ATP2B4: variants seen among roughly 807,000 people sequenced by gnomAD.
ATP2B4 encodes plasma membrane calcium-transporting ATPase 4.
ATP2B4 carries 39 observed loss-of-function variants against 110.3 expected under a neutral mutation model. The ratio of observed to expected loss-of-function variants is 0.35; its 90% CI spans 0.27 to 0.46. ATP2B4 has a LOEUF of 0.46. ATP2B4 is among the 20% of genes least tolerant of loss of function. The probability of loss-of-function intolerance (pLI) is 1.00; values close to 1 mark genes in which losing one functional copy is unlikely to be tolerated. For missense variants in ATP2B4, 1,135 were observed against 1,530.9 expected (o/e 0.74, Z 4.32); for synonymous variants, 538 against 571.7 (o/e 0.94, Z 0.84).
chr1:203,730,740 G>A (rs1357776448), intron 20 of ATP2B4, among the ~76,000 whole-genome samples: 1 of 152,032 alleles, frequency 6.6e-6, no homozygotes. Context: ...ATAGCTTTAG[G>A]TATACTACCT....
At chr1:203,650,921 TTGTG>T (rs1663970205) in intron 1 of ATP2B4, among the ~76,000 whole-genome samples, 1 of 152,170 alleles carries the variant, frequency 6.6e-6, no homozygotes, top group African/African-American at 2.4e-5. Flanking sequence ...ATGCAGTATA[TTGTG>T]TATGTTTTTT....
chr1:203,657,006 A>C (rs1172546197), intron 1 of ATP2B4: 1 of 736,936 alleles, frequency 1.4e-6, no homozygotes, highest in Non-Finnish European at 2.5e-6. Context: ...CATCATTTTC[A>C]GGACTGTTGG....
chr1:203,720,657 A>T lies in ATP2B4; in HGVS notation c.2515A>T (p.Ser839Cys), dbSNP rs201173785. The T allele has an allele frequency of 1.3e-5, 21 of 1,614,168 alleles. No individual in the cohort carries two copies. Among genetic ancestry groups the T allele is most frequent in the Non-Finnish European group, 1.7e-5 (20 of 1,180,016 alleles). ...AVMWGRNVYD[S>C]ISKFLQFQLT... ...GATGTGGGGACGAAATGTCTATGACAGCATCTCCAAGTTCCTGCAGTTCCA... is the reference window on the plus strand; with the variant it reads ...GATGTGGGGACGAAATGTCTATGACTGCATCTCCAAGTTCCTGCAGTTCCA... Residue 839 changes from serine to cysteine, a missense_variant, in exon 16 of 21, where the codon AGC becomes TGC. Ser to Cys is a moderately radical substitution (Grantham distance 112). Around this residue, in one of 9 missense-constraint regions of ATP2B4, gnomAD observed 70 missense variants for 142.4 expected, o/e 0.49. Coordinates refer to ENST00000357681, the MANE Select transcript of ATP2B4 (RefSeq NM_001684.5).
At chr1:203,739,431 A>G in intron 20 of ATP2B4, 115 bp from the exon 21 acceptor site, 1 of 1,002,840 alleles carries the variant, frequency 1.0e-6, no homozygotes, top group South Asian at 1.6e-5. Context: ...GATGCTGAGC[A>G]GTCATGTTTT....
At chr1:203,738,698 A>G (rs1334190266) in intron 20 of ATP2B4, among the ~76,000 whole-genome samples, 1 of 152,188 alleles carries the variant, frequency 6.6e-6, no homozygotes, top group East Asian at 1.9e-4. Context: ...ATGATTGGGC[A>G]CAGTTGCTGT....
intron 6 of ATP2B4, 128 bp downstream of exon 6, chr1:203,701,051 A>G (rs3766752): frequency 0.21 from 269,655 of 1,269,978 alleles, 33,691 homozygotes; most frequent in East Asian, 0.56. Context: ...CAGATATCCA[A>G]ACTCCTTGCT....
intron 1 of ATP2B4, among the ~76,000 whole-genome samples, chr1:203,628,587 C>A (rs924269832): frequency 6.6e-6 from 1 of 152,144 alleles, no homozygotes; most frequent in African/African-American, 2.4e-5. Flanking sequence ...GCGCCCCCCT[C>A]CTCTGTGTGA....
At chr1:203,678,645 T>A (rs1360192604) in intron 1 of ATP2B4, among the ~76,000 whole-genome samples, 3 of 152,068 alleles carry the variant, frequency 2.0e-5, no homozygotes, top group African/African-American at 7.2e-5. Flanking sequence ...TTCAAGCGAT[T>A]CTCCCGCCTC....
In ATP2B4 at chr1:203,743,729, T is replaced by C. The variant is rs1236422717; in HGVS notation, c.*3875T>C. ...AAAAAGAAAAACAAAAGATTGACTATTGTGGTCTGCATGACATAAACAAAC... is the reference window on the plus strand; with the variant it reads ...AAAAAGAAAAACAAAAGATTGACTACTGTGGTCTGCATGACATAAACAAAC... On this transcript the variant is annotated 3_prime_UTR_variant, in exon 21 of 21. Coordinates refer to ENST00000357681, the MANE Select transcript of ATP2B4 (RefSeq NM_001684.5). 2 of 152,570 alleles carry C rather than the reference T, an allele frequency of 1.3e-5. No homozygotes were observed. Among genetic ancestry groups the C allele is most frequent in the South Asian group, 2.1e-4 (1 of 4,828 alleles). The allele number at this position is 152,570 out of a possible 1,614,324, so 9.5% of individuals were successfully genotyped here. A position where few individuals can be genotyped will look rare whatever the true frequency, so the allele number is the denominator to read the frequency against.
In ATP2B4 at chr1:203,710,895, C is replaced by G; in HGVS notation, c.1818C>G (p.Asp606Glu). ...TCCCCAGGTGTAATCGAATCCTGGA[C>G]CGGAAAGGGGAAGCAGTGCCATTCA... ...IILRKCNRILDRKGEAVPFKN... is the reference protein window; with the variant it reads ...IILRKCNRILERKGEAVPFKN... Residue 606 changes from aspartate (D) to glutamate (E), a missense_variant, in exon 12 of 21, where the codon GAC becomes GAG. By Grantham distance (45) the Asp-to-Glu change is conservative. Around this residue, in one of 9 missense-constraint regions of ATP2B4, gnomAD observed 368 missense variants for 455.9 expected, o/e 0.81. Transcript: ENST00000357681. 6.2e-7 allele frequency: 1 copy of G among 1,613,520 alleles called. No homozygotes were observed. The highest frequency in any genetic ancestry group is 8.5e-7 in the Non-Finnish European group (1 of 1,179,722).
chr1:203,703,164 C>CGAGAGAGAGA (rs144760902), intron 7 of ATP2B4, among the ~76,000 whole-genome samples: 32 of 145,250 alleles, frequency 2.2e-4, no homozygotes, highest in African/African-American at 7.8e-4. Context: ...CCCTGACAAT[C>CGAGAGAGAGA]GAGAGAGAGA....
chr1:203,731,406 C>T (rs1448288340), intron 20 of ATP2B4, among the ~76,000 whole-genome samples: 1 of 152,126 alleles, frequency 6.6e-6, no homozygotes, highest in Non-Finnish European at 1.5e-5. Flanking sequence ...GTAGATTAAC[C>T]CTTGGCATTA....
chr1:203,672,494 G>A (rs544368808), intron 1 of ATP2B4, among the ~76,000 whole-genome samples: 5 of 152,044 alleles, frequency 3.3e-5, no homozygotes, highest in African/African-American at 9.7e-5. Flanking sequence ...AACCTAAAGC[G>A]ACTGTTTATA....
chr1:203,726,103 G>A (rs1459874071), intron 19 of ATP2B4, among the ~76,000 whole-genome samples: 1 of 151,220 alleles, frequency 6.6e-6, no homozygotes, highest in Non-Finnish European at 1.5e-5. Flanking sequence ...GCCGGGCATG[G>A]TGACACATGC....
chr1:203,674,275 ACTGAAGGAAATGGTGAGCG>A (rs1664761563), intron 1 of ATP2B4, among the ~76,000 whole-genome samples: 1 of 152,076 alleles, frequency 6.6e-6, no homozygotes, highest in Admixed American at 6.5e-5. Flanking sequence ...TCCTTAAACA[ACTGAAGGAAATGGTGAGCG>A]CTGCTGTTTC....
intron 15 of ATP2B4, among the ~76,000 whole-genome samples, chr1:203,715,038 A>AT (rs1260293563): frequency 6.6e-6 from 1 of 152,100 alleles, no homozygotes; most frequent in East Asian, 1.9e-4. Context: ...TGTTTCAGTG[A>AT]TTCCCCCCCA....
At chr1:203,733,465 A>G in intron 20 of ATP2B4, 4 of 1,410,048 alleles carry the variant, frequency 2.8e-6, no homozygotes, top group South Asian at 1.5e-5. Flanking sequence ...CGTGGCATCC[A>G]CTTTAACCAA....
intron 1 of ATP2B4, among the ~76,000 whole-genome samples, chr1:203,634,413 C>A (rs1290162860): frequency 6.6e-6 from 1 of 151,840 alleles, no homozygotes; most frequent in African/African-American, 2.4e-5. Context: ...TGGCCCATAG[C>A]CTTGAACTCC....
intron 15 of ATP2B4, among the ~76,000 whole-genome samples, chr1:203,719,849 GA>G (rs1249984026): frequency 6.6e-6 from 1 of 151,886 alleles, no homozygotes; most frequent in Non-Finnish European, 1.5e-5. Context: ...ACATAACTTA[GA>G]GATTATTTCA....
Sources: allele counts gnomAD v4.1 joint callset (sites outside exome capture counted in the v4.1 genomes callset), GRCh38; gene constraint gnomAD v4.1.1; regional missense constraint gnomAD v4.1.1; transcripts MANE v1.5; gene names NCBI Gene and HGNC (gene_info 2026-07-23, HGNC 2026-07-21).